HIRA: variants seen among roughly 807,000 people sequenced by gnomAD.
The protein encoded by HIRA is protein HIRA.
Under a neutral mutation model 126.6 loss-of-function variants are expected in HIRA, and 13 were observed. That is an observed-to-expected ratio of 0.10 (90% CI 0.07 to 0.16). HIRA has a LOEUF of 0.16. Ranked by LOEUF, HIRA falls within the 10% of genes least tolerant of loss-of-function variation. HIRA has a pLI of 1.00. For missense variants in HIRA, 834 were observed against 1,314.4 expected (o/e 0.63, Z 5.65); for synonymous variants, 511 against 520.0 (o/e 0.98, Z 0.24).
intron 21 of HIRA, 68 bp downstream of exon 21, chr22:19,355,692 C>G: frequency 6.7e-6 from 8 of 1,201,588 alleles, no homozygotes; most frequent in Non-Finnish European, 9.9e-6. Context: ...GGCCACGACC[C>G]TTTGCTCTGC....
intron 4 of HIRA, among the ~76,000 whole-genome samples, chr22:19,406,336 G>A (rs2089307722): frequency 6.6e-6 from 1 of 152,080 alleles, no homozygotes; most frequent in Non-Finnish European, 1.5e-5. Context: ...TGTTACTTAT[G>A]TTGGCTATTT....
chr22:19,357,702 G>A (rs895897820), intron 18 of HIRA, among the ~76,000 whole-genome samples: 1 of 152,158 alleles, frequency 6.6e-6, no homozygotes, highest in Non-Finnish European at 1.5e-5. Flanking sequence ...GAGCTCAGAC[G>A]CAGGCAGGGG....
In HIRA at chr22:19,390,806, G is replaced by A. The variant is rs752602742; in HGVS notation, c.936+1295C>T. Reference sequence around the variant, plus strand: ...TGTCTTGGTTGTATGCCTAGGAGTGGAAGTGCTCTAGGTCATATGCTTAGC... The same window carrying A: ...TGTCTTGGTTGTATGCCTAGGAGTGAAAGTGCTCTAGGTCATATGCTTAGC... On this transcript the variant is annotated intron_variant, in intron 9 of 24. Coordinates refer to ENST00000263208, the MANE Select transcript of HIRA (RefSeq NM_003325.4). Among the ~76,000 whole-genome samples, 82 of 152,038 alleles carry A rather than the reference G, an allele frequency of 5.4e-4. 1 individual carries two copies. Among genetic ancestry groups the A allele is most frequent in the Non-Finnish European group, 6.2e-4 (42 of 67,996 alleles).
chr22:19,399,112 G>A lies in HIRA; in HGVS notation c.398-1025C>T, dbSNP rs1444377428. The A allele has an allele frequency of 3.0e-6, 3 of 985,192 alleles. No homozygotes were observed. In the African/African-American group the frequency reaches 5.2e-5, roughly 17 times the overall value. The allele number at this position is 985,192 out of a possible 1,614,324, so 61.0% of individuals were successfully genotyped here. On this transcript the variant is annotated intron_variant, in intron 5 of 24. Coordinates refer to ENST00000263208, the MANE Select transcript of HIRA (RefSeq NM_003325.4). ...TCGATGAGGGTCCGCTGTGACGATG[G>A]TGCCAACCTTGCCTATCCTGCCATC... is the stretch of plus-strand genomic sequence containing the variant.
At chr22:19,407,799 C>T (rs756880273) in intron 3 of HIRA, among the ~76,000 whole-genome samples, 6 of 152,182 alleles carry the variant, frequency 3.9e-5, no homozygotes, top group South Asian at 4.1e-4. Context: ...ACTGACTCTG[C>T]GCTTATAAGC....
chr22:19,418,454 C>T (rs918241500), intron 1 of HIRA, among the ~76,000 whole-genome samples: 1 of 150,904 alleles, frequency 6.6e-6, no homozygotes, highest in Non-Finnish European at 1.5e-5. Flanking sequence ...GAAACCCCGT[C>T]TCTATTAAAA....
intron 1 of HIRA, among the ~76,000 whole-genome samples, chr22:19,422,047 T>C (rs1448007122): frequency 2.0e-5 from 3 of 151,956 alleles, no homozygotes; most frequent in Admixed American, 6.6e-5. Context: ...TCAGGAGAGA[T>C]GCAAATGTTC....
At chr22:19,341,103 C>G (rs2088622971) in intron 24 of HIRA, among the ~76,000 whole-genome samples, 1 of 151,936 alleles carries the variant, frequency 6.6e-6, no homozygotes, top group East Asian at 1.9e-4. Context: ...ATCACTTGAG[C>G]CCAGGAGTTC....
chr22:19,392,088 A>G lies in HIRA; in HGVS notation c.936+13T>C. 1 of 1,530,374 alleles carries G rather than the reference A, an allele frequency of 6.5e-7. No individual in the cohort carries two copies. Among genetic ancestry groups the G allele is most frequent in the Admixed American group, 1.8e-5 (1 of 56,910 alleles). The allele number at this position is 1,530,374 out of a possible 1,614,324, so 94.8% of individuals were successfully genotyped here. On this transcript the variant is annotated intron_variant, in intron 9 of 24. Coordinates refer to ENST00000263208, the MANE Select transcript of HIRA (RefSeq NM_003325.4). ...TCCCGTCCTGCAACAAAAGCTCAGG[A>G]TAGCAGGCTCACCCAGACAGAAAGC...
intron 15 of HIRA, among the ~76,000 whole-genome samples, chr22:19,367,664 G>A (rs2088926587): frequency 6.6e-6 from 1 of 152,196 alleles, no homozygotes; most frequent in African/African-American, 2.4e-5. Context: ...ACTGAGCTGA[G>A]CCCGGCCAGC....
chr22:19,408,633 T>A (rs770132282), intron 2 of HIRA, 40 bp from the exon 3 acceptor site: 2 of 1,140,368 alleles, frequency 1.8e-6, no homozygotes, highest in South Asian at 1.2e-5. Flanking sequence ...GTGCAAGGAG[T>A]AGAAATTTGA....
chr22:19,410,204 G>T (rs1409311763), intron 2 of HIRA, among the ~76,000 whole-genome samples: 2 of 152,218 alleles, frequency 1.3e-5, no homozygotes, highest in African/African-American at 2.4e-5. Context: ...AAGCATAAGG[G>T]CAATACTACC....
chr22:19,377,983 T>C lies in HIRA; in HGVS notation c.1499A>G (p.Gln500Arg). Reference sequence around the variant, plus strand: ...GGTACTGGAGTCCAGTGGCAGTAGCTGTGGACTGCTATGAGAAGAGAGCAT... The same window carrying C: ...GGTACTGGAGTCCAGTGGCAGTAGCCGTGGACTGCTATGAGAAGAGAGCAT... ...GTMLSSHSSPQLLPLDSSTPN... is the reference protein window; with the variant it reads ...GTMLSSHSSPRLLPLDSSTPN... The change falls in exon 14 of 25, where the codon CAG (glutamine) becomes CGG (arginine). Residue 500 changes from glutamine (Q) to arginine (R), a missense_variant. By Grantham distance (43) the Gln-to-Arg change is conservative. This residue lies in a region of HIRA where 468 missense variants were observed against 574.2 expected (regional missense o/e 0.82). Transcript: ENST00000263208. The C allele has an allele frequency of 6.2e-7, 1 of 1,613,718 alleles. No homozygotes were observed. The highest frequency in any genetic ancestry group is 2.2e-5 in the East Asian group (1 of 44,844).
chr22:19,379,294 G>A (rs1330291934), intron 13 of HIRA, among the ~76,000 whole-genome samples: 1 of 151,406 alleles, frequency 6.6e-6, no homozygotes, highest in Non-Finnish European at 1.5e-5. Context: ...TTACAGGTGT[G>A]AGCCACCGTG....
intron 8 of HIRA, among the ~76,000 whole-genome samples, chr22:19,393,066 G>A (rs973419598): frequency 6.6e-6 from 1 of 152,130 alleles, no homozygotes; most frequent in Non-Finnish European, 1.5e-5. Flanking sequence ...TCAGAGGCGT[G>A]TCCCTGGGCT....
intron 15 of HIRA, among the ~76,000 whole-genome samples, chr22:19,373,585 C>T (rs886127045): frequency 2.6e-5 from 4 of 152,166 alleles, no homozygotes; most frequent in Non-Finnish European, 4.4e-5. Context: ...GTTCATTTCT[C>T]GGCTTGGCGA....
chr22:19,363,793 G>T (rs1448420558), intron 15 of HIRA, among the ~76,000 whole-genome samples: 2 of 152,164 alleles, frequency 1.3e-5, no homozygotes, highest in African/African-American at 4.8e-5. Context: ...AGCTACCTGG[G>T]AGGCTGAGGT....
chr22:19,405,504 C>G (rs776998504), intron 5 of HIRA: 95 of 985,324 alleles, frequency 9.6e-5, no homozygotes, highest in Non-Finnish European at 1.1e-4. Context: ...TTCTGTTCAG[C>G]AGGACAAACA....
At chr22:19,336,898 G>C (rs1270685211) in intron 24 of HIRA, among the ~76,000 whole-genome samples, 6 of 152,188 alleles carry the variant, frequency 3.9e-5, no homozygotes, top group Admixed American at 2.0e-4. Context: ...AGCAGCCTCT[G>C]AGTTCCAGAT....
Sources: allele counts gnomAD v4.1 joint callset (sites outside exome capture counted in the v4.1 genomes callset), GRCh38; gene constraint gnomAD v4.1.1; regional missense constraint gnomAD v4.1.1; transcripts MANE v1.5; gene names NCBI Gene and HGNC (gene_info 2026-07-23, HGNC 2026-07-21).